Variants in VPS13D observed in about 807,000 individuals in gnomAD.
The protein encoded by VPS13D is vacuolar protein sorting 13 homolog D.
A neutral mutation model predicts 461.9 loss-of-function variants in VPS13D; 187 were observed. The observed-to-expected ratio is 0.40, with a 90% confidence interval of 0.36 to 0.46. VPS13D has a LOEUF of 0.46. Ranked by LOEUF, VPS13D falls within the 20% of genes least tolerant of loss-of-function variation. The probability of loss-of-function intolerance (pLI) is 0.60; values close to 1 mark genes in which losing one functional copy is unlikely to be tolerated. For missense variants in VPS13D, 4,711 were observed against 5,364.9 expected (o/e 0.88, Z 3.81); for synonymous variants, 1,951 against 1,986.3 (o/e 0.98, Z 0.47).
At chr1:12,248,761 G>A (rs948670759) in intron 5 of VPS13D, among the ~76,000 whole-genome samples, 1 of 152,092 alleles carries the variant, frequency 6.6e-6, no homozygotes, top group Admixed American at 6.6e-5. Context: ...TGGTTTCCTT[G>A]GTCCAGATGT....
At position 12,356,046 on chromosome 1, in the gene VPS13D, T is replaced by C. The variant is rs1450385437; in HGVS notation, c.9827T>C (p.Leu3276Ser). The stretch of plus-strand genomic sequence containing the variant: ...ATTGTGTGTCGAGCAGAAGGATCCT[T>C]AAAGATCTTCATTTCTGCTCCATAT... ...IRIVCRAEGSLKIFISAPYWL... is the reference protein window; with the variant it reads ...IRIVCRAEGSSKIFISAPYWL... The change falls in exon 48 of 70, where the codon TTA becomes TCA. Residue 3276 changes from leucine to serine, a missense_variant. Physicochemically the swap from Leu to Ser is moderately radical, Grantham distance 145. Coordinates refer to ENST00000620676, the MANE Select transcript of VPS13D (RefSeq NM_015378.4). The C allele has an allele frequency of 6.2e-7, 1 of 1,613,754 alleles. No homozygotes were observed. The highest frequency in any genetic ancestry group is 2.2e-5 in the East Asian group (1 of 44,882).
intron 29 of VPS13D, among the ~76,000 whole-genome samples, chr1:12,312,199 C>T (rs1393872375): frequency 6.6e-6 from 1 of 152,142 alleles, no homozygotes; most frequent in Non-Finnish European, 1.5e-5. Context: ...TACTCTGTGA[C>T]CATTGTGGGT....
chr1:12,504,149 A>G lies in VPS13D; in HGVS notation c.12795-2704A>G, dbSNP rs567045976. 1.4e-4 allele frequency among the ~76,000 whole-genome samples: 22 copies of G among 152,276 alleles called. No homozygotes were observed. In the East Asian group the frequency reaches 4.1e-3, roughly 28 times the overall value. On this transcript the variant is annotated intron_variant, in intron 68 of 69. Coordinates refer to ENST00000620676, the MANE Select transcript of VPS13D (RefSeq NM_015378.4). Reference sequence around the variant, plus strand: ...ATGTGTTTGGCAGATTTTGTAAAAAAAAGAAAAAGAAAAAATTAAAATTAA... The same window carrying G: ...ATGTGTTTGGCAGATTTTGTAAAAAGAAGAAAAAGAAAAAATTAAAATTAA...
intron 50 of VPS13D, among the ~76,000 whole-genome samples, chr1:12,359,565 C>T (rs1490802433): frequency 6.6e-6 from 1 of 152,114 alleles, no homozygotes; most frequent in East Asian, 1.9e-4. Flanking sequence ...GGACAGTATG[C>T]ACATAGTGTC....
In VPS13D at chr1:12,507,604, A is replaced by G. The variant is rs1570306534; in HGVS notation, c.13035+511A>G. On this transcript the variant is annotated intron_variant, in intron 69 of 69. Transcript: ENST00000620676. The surrounding 1 kb of genome is among the most constrained non-coding windows in gnomAD (Gnocchi z 5.3). Reference sequence around the variant, plus strand: ...CCTCCAAAGGGGACAAGGTATTGTTATGACAAGGCTTTTAAATAATAAAGC... The same window carrying G: ...CCTCCAAAGGGGACAAGGTATTGTTGTGACAAGGCTTTTAAATAATAAAGC... 6.6e-6 allele frequency among the ~76,000 whole-genome samples: 1 copy of G among 152,264 alleles called. No homozygotes were observed. The highest frequency in any genetic ancestry group is 1.5e-5 in the Non-Finnish European group (1 of 68,046).
At chr1:12,450,358 A>C (rs1645247067) in intron 65 of VPS13D, among the ~76,000 whole-genome samples, 1 of 152,192 alleles carries the variant, frequency 6.6e-6, no homozygotes, top group Admixed American at 6.5e-5. Context: ...TTATGAGTTC[A>C]GACATAGCTT....
chr1:12,297,944 G>GT (rs1249120998), intron 24 of VPS13D, among the ~76,000 whole-genome samples: 6 of 152,158 alleles, frequency 3.9e-5, no homozygotes, highest in Non-Finnish European at 7.3e-5. Flanking sequence ...ATGATTCAGT[G>GT]TTTTTTCCAT....
chr1:12,436,888 G>A (rs1305757811), intron 65 of VPS13D, among the ~76,000 whole-genome samples: 1 of 152,064 alleles, frequency 6.6e-6, no homozygotes, highest in Non-Finnish European at 1.5e-5. Context: ...GGCTGGTCTC[G>A]AACTCCCGAC....
intron 65 of VPS13D, among the ~76,000 whole-genome samples, chr1:12,426,689 G>A (rs1382191491): frequency 1.3e-5 from 2 of 152,138 alleles, no homozygotes; most frequent in African/African-American, 4.8e-5. Flanking sequence ...GAGGGAGAAT[G>A]TTGGGGAGAG....
At chr1:12,448,419 G>T (rs1645221365) in intron 65 of VPS13D, among the ~76,000 whole-genome samples, 1 of 152,150 alleles carries the variant, frequency 6.6e-6, no homozygotes, top group Non-Finnish European at 1.5e-5. Flanking sequence ...CCCATGGCCA[G>T]TGCTAACTGT....
chr1:12,379,379 TGGAGGGCATTAGAAGGAAGAA>T, intron 56 of VPS13D, 88 bp from the exon 57 acceptor site: 2 of 945,418 alleles, frequency 2.1e-6, no homozygotes, highest in African/African-American at 1.7e-5. Context: ...GTTTTAAGGG[TGGAGGGCATTAGAAGGAAGAA>T]GAGCAAAGCC....
rs1319389382 is a variant in VPS13D, at chr1:12,416,725, T to A, written c.12231T>A (p.Leu4077=). The A allele has an allele frequency of 6.2e-7, 1 of 1,614,092 alleles. No homozygotes were observed. Among genetic ancestry groups the A allele is most frequent in the South Asian group, 1.1e-5 (1 of 91,056 alleles). The change falls in exon 65 of 70, where the codon CTT becomes CTA. Residue 4077 remains leucine (L), a synonymous_variant. Transcript: ENST00000620676. ...ATTTTCTTGGCAATCCTATGGGGCT[T>A]TTGAATGATGTTTCTGAAGGGGTTA... ...SVDFLGNPMG[L]LNDVSEGVTG... is the part of the protein sequence containing the mutation.
intron 67 of VPS13D, among the ~76,000 whole-genome samples, chr1:12,493,841 C>G (rs1324546403): frequency 6.6e-6 from 1 of 152,102 alleles, no homozygotes; most frequent in Non-Finnish European, 1.5e-5. Context: ...AAATACTCTC[C>G]CCCTACCCAC....
intron 65 of VPS13D, among the ~76,000 whole-genome samples, chr1:12,453,505 G>A (rs952353149): frequency 3.7e-4 from 57 of 152,264 alleles, no homozygotes; most frequent in African/African-American, 1.3e-3. Context: ...ATGGGCACGC[G>A]TCACTTAACT....
chr1:12,366,602 G>A (rs1644038400), intron 52 of VPS13D, among the ~76,000 whole-genome samples: 1 of 152,152 alleles, frequency 6.6e-6, no homozygotes, highest in South Asian at 2.1e-4. Flanking sequence ...GGAGGAGGAG[G>A]ATGATTTGTG....
intron 65 of VPS13D, among the ~76,000 whole-genome samples, chr1:12,425,418 G>A (rs1222708918): frequency 6.6e-6 from 1 of 152,058 alleles, no homozygotes; most frequent in Non-Finnish European, 1.5e-5. Context: ...AATTAGCTAA[G>A]CGTGGTGGTG....
intron 23 of VPS13D, among the ~76,000 whole-genome samples, 192 bp from the exon 24 acceptor site, chr1:12,293,332 C>CTCCTGTTTAT (rs1229024658): frequency 1.3e-5 from 2 of 152,210 alleles, no homozygotes; most frequent in Non-Finnish European, 2.9e-5. Context: ...TCCTGGCTAT[C>CTCCTGTTTAT]ACACCTTTAT....
At chr1:12,396,620 A>G (rs1644502656) in intron 60 of VPS13D, among the ~76,000 whole-genome samples, 1 of 152,124 alleles carries the variant, frequency 6.6e-6, no homozygotes, top group Non-Finnish European at 1.5e-5. Context: ...CTACATCCTT[A>G]CTGGGAGTGT....
chr1:12,498,372 G>A (rs566523891), intron 68 of VPS13D, among the ~76,000 whole-genome samples: 6 of 152,198 alleles, frequency 3.9e-5, no homozygotes, highest in East Asian at 1.9e-4. Flanking sequence ...GGTGTTTTTC[G>A]GTGGGTGGAG....
Sources: gnomAD v4.1 joint callset for allele counts (sites outside exome capture counted in the v4.1 genomes callset) on GRCh38, gnomAD v4.1.1 for gene constraint, Gnocchi (gnomAD v3.1) non-coding constraint, MANE v1.5 for transcripts, NCBI Gene and HGNC (gene_info 2026-07-23, HGNC 2026-07-21) for gene names.